Variants in NCAM2 observed in about 807,000 individuals in gnomAD.
The protein encoded by NCAM2 is N-CAM-2.
A neutral mutation model predicts 98.1 loss-of-function variants in NCAM2; 30 were observed. That is an observed-to-expected ratio of 0.31 (90% confidence interval 0.23 to 0.41). The LOEUF (loss-of-function observed/expected upper bound fraction) is 0.41, where lower values mean the gene tolerates loss of function less well. NCAM2 is among the 10% of genes least tolerant of loss of function. NCAM2 has a pLI of 1.00. For missense variants in NCAM2, 867 were observed against 1,005.8 expected (o/e 0.86, Z 1.87); for synonymous variants, 368 against 342.4 (o/e 1.07, Z -0.83).
At chr21:21,289,837 G>T (rs2073230395) in intron 4 of NCAM2, among the ~76,000 whole-genome samples, 1 of 151,904 alleles carries the variant, frequency 6.6e-6, no homozygotes, top group Admixed American at 6.6e-5. Flanking sequence ...CAGTTGAGAA[G>T]AATATTTGTA....
intron 1 of NCAM2, among the ~76,000 whole-genome samples, chr21:21,083,573 C>A (rs8128977): frequency 0.21 from 31,632 of 151,678 alleles, 3,671 homozygotes; most frequent in African/African-American, 0.31. Context: ...GTCACCACAC[C>A]CAACTAATCT....
At chr21:21,465,717 A>T (rs992751619) in intron 12 of NCAM2, among the ~76,000 whole-genome samples, 16 of 152,000 alleles carry the variant, frequency 1.1e-4, no homozygotes, top group African/African-American at 3.9e-4. Flanking sequence ...TGTGACTTGG[A>T]GTTACTGTGT....
At chr21:21,432,364 C>T (rs2077366901) in intron 12 of NCAM2, 83 bp downstream of exon 12, 3 of 1,244,056 alleles carry the variant, frequency 2.4e-6, no homozygotes, top group Non-Finnish European at 3.3e-6. Context: ...CGGTTTCCTC[C>T]AACATTTTCT....
At chr21:21,180,685 CTAAT>C (rs60649212) in intron 1 of NCAM2, among the ~76,000 whole-genome samples, 3,569 of 152,136 alleles carry the variant, frequency 0.023, 117 homozygotes, top group East Asian at 0.16. Context: ...CAAACATTCA[CTAAT>C]TAGTTTTTGC....
At chr21:21,083,969 C>T (rs2065860546) in intron 1 of NCAM2, among the ~76,000 whole-genome samples, 2 of 152,078 alleles carry the variant, frequency 1.3e-5, no homozygotes. Context: ...GGCCATTAGG[C>T]CTGCCATAAC....
chr21:21,443,224 A>G (rs1284644526), intron 12 of NCAM2, among the ~76,000 whole-genome samples: 1 of 152,170 alleles, frequency 6.6e-6, no homozygotes, highest in African/African-American at 2.4e-5. Context: ...GGAGTTGAAC[A>G]ATGAGAACAC....
chr21:21,435,274 A>G (rs1217655779), intron 12 of NCAM2, among the ~76,000 whole-genome samples: 1 of 152,152 alleles, frequency 6.6e-6, no homozygotes, highest in Non-Finnish European at 1.5e-5. Flanking sequence ...CATTTTAAAG[A>G]GACATAGTAG....
chr21:21,450,793 T>TGTATGTATGTATACACAC (rs751489970), intron 12 of NCAM2, among the ~76,000 whole-genome samples: 14 of 143,426 alleles, frequency 9.8e-5, no homozygotes, highest in African/African-American at 3.7e-4. Context: ...TATGTATGTA[T>TGTATGTATGTATACACAC]ACACACACAC....
intron 1 of NCAM2, among the ~76,000 whole-genome samples, chr21:21,126,286 G>A (rs970445787): frequency 1.4e-5 from 2 of 140,142 alleles, no homozygotes; most frequent in East Asian, 2.1e-4. Flanking sequence ...TTGAATTAGC[G>A]TAACCTAGTG....
chr21:21,200,285 G>A (rs920015578), intron 1 of NCAM2, among the ~76,000 whole-genome samples: 1 of 151,832 alleles, frequency 6.6e-6, no homozygotes, highest in Admixed American at 6.6e-5. Context: ...ACTTGCATGG[G>A]TCACAACACA....
chr21:21,148,531 G>GAT lies in NCAM2; in HGVS notation c.56-132043_56-132042dup, dbSNP rs558589827. On this transcript the variant is annotated intron_variant, in intron 1 of 17. Coordinates refer to ENST00000400546, the MANE Select transcript of NCAM2 (RefSeq NM_004540.5). ...TTTTAAAATAAACCTAAAGTGTGCA[G>GAT]ATATACAGTGTTCAACACCAAAAAC... Among the ~76,000 whole-genome samples the GAT allele has an allele frequency of 4.6e-5, 7 of 152,276 alleles. No individual in the cohort carries two copies. In the East Asian group the frequency reaches 1.4e-3, roughly 29 times the overall value.
rs1192128472 is a variant in NCAM2, at chr21:21,425,040, C to CAAAAAAAAAAAAA, written c.1480+6487_1480+6499dup. Among the ~76,000 whole-genome samples the CAAAAAAAAAAAAA allele has an allele frequency of 1.3e-3, 58 of 43,850 alleles. 8 individuals are homozygous for CAAAAAAAAAAAAA. The highest frequency in any genetic ancestry group is 3.9e-3 in the East Asian group (7 of 1,800). The allele number at this position is 43,850 out of a possible 152,430, so 28.8% of individuals were successfully genotyped here. A position where few individuals can be genotyped will look rare whatever the true frequency, so the allele number is the denominator to read the frequency against. On this transcript the variant is annotated intron_variant, in intron 11 of 17. Transcript: ENST00000400546. ...GACAAAAGCGGGACTCTTCCTCCTC[C>CAAAAAAAAAAAAA]AAAAAAAAAAAAAAAAAAAAAAAAA... is the stretch of plus-strand genomic sequence containing the variant.
intron 10 of NCAM2, among the ~76,000 whole-genome samples, chr21:21,411,037 CAT>C (rs556205731): frequency 3.8e-5 from 2 of 53,298 alleles, no homozygotes; most frequent in African/African-American, 1.6e-4. Context: ...TATATACACA[CAT>C]ATATATATGT....
intron 1 of NCAM2, among the ~76,000 whole-genome samples, chr21:21,027,339 A>G (rs1262076731): frequency 6.6e-6 from 1 of 152,244 alleles, no homozygotes; most frequent in Non-Finnish European, 1.5e-5. Flanking sequence ...TTTACCAGTC[A>G]TTATGGTAGC....
At chr21:21,102,943 GT>G (rs1432862430) in intron 1 of NCAM2, among the ~76,000 whole-genome samples, 3 of 151,950 alleles carry the variant, frequency 2.0e-5, no homozygotes, top group African/African-American at 7.2e-5. Flanking sequence ...ATAATTCTGT[GT>G]AAAATCTGTC....
intron 13 of NCAM2, among the ~76,000 whole-genome samples, chr21:21,467,225 A>C (rs970068125): frequency 6.6e-6 from 1 of 151,798 alleles, no homozygotes; most frequent in Non-Finnish European, 1.5e-5. Context: ...GGGGAATTGT[A>C]AGTTAATTGA....
chr21:21,082,225 T>TA lies in NCAM2; in HGVS notation c.55+83625dup, dbSNP rs57713170. On this transcript the variant is annotated intron_variant, in intron 1 of 17. Transcript: ENST00000400546. ...CCTGGGCGACAGAGTGAGAATCCTT[T>TA]AAAAAAAAAAAAAAAAAAGAATTCT... Among the ~76,000 whole-genome samples, 409 of 82,818 alleles carry TA rather than the reference T, an allele frequency of 4.9e-3. 4 individuals are homozygous for TA. Among genetic ancestry groups the TA allele is most frequent in the African/African-American group, 9.8e-3 (222 of 22,588 alleles). The allele number at this position is 82,818 out of a possible 152,430, so 54.3% of individuals were successfully genotyped here.
At chr21:21,482,091 C>G (rs1020637587) in intron 15 of NCAM2, among the ~76,000 whole-genome samples, 2 of 151,576 alleles carry the variant, frequency 1.3e-5, no homozygotes, top group African/African-American at 4.8e-5. Flanking sequence ...GAGCAAGACT[C>G]CATCTCGAAA....
At chr21:21,119,875 T>C (rs973356583) in intron 1 of NCAM2, among the ~76,000 whole-genome samples, 1 of 152,184 alleles carries the variant, frequency 6.6e-6, no homozygotes, top group African/African-American at 2.4e-5. Context: ...AATAGATAAG[T>C]GTGAATGTTT....
Sources: allele counts gnomAD v4.1 joint callset (sites outside exome capture counted in the v4.1 genomes callset), GRCh38; gene constraint gnomAD v4.1.1; transcripts MANE v1.5; gene names NCBI Gene and HGNC (gene_info 2026-07-23, HGNC 2026-07-21).